The following HYCC1 variants were observed in gnomAD, a reference collection of about 807,000 sequenced individuals.
HYCC1 encodes the protein hyccin.
chr7:22,912,527 C>T, the HYCC1 span, among the ~76,000 whole-genome samples: 26,253 of 152,114 alleles, frequency 0.17, 2,524 homozygotes, highest in African/African-American at 0.24. Context: ...CAAGTGCAGC[C>T]GGCCAAGCTG....
At chr7:23,000,571 T>A in the HYCC1 span, among the ~76,000 whole-genome samples, 8 of 152,208 alleles carry the variant, frequency 5.3e-5, no homozygotes, top group Non-Finnish European at 8.8e-5. Context: ...GGACATTTTT[T>A]AAAAATATGT....
chr7:22,961,116 G>A, the HYCC1 span: 245 of 665,918 alleles, frequency 3.7e-4, 1 homozygote, highest in East Asian at 5.8e-4. Context: ...TGTATAACAA[G>A]AGCATGAATA....
At chr7:22,912,004 A>G in the HYCC1 span, among the ~76,000 whole-genome samples, 5 of 152,280 alleles carry the variant, frequency 3.3e-5, no homozygotes, top group African/African-American at 1.2e-4. Flanking sequence ...AGACCACAAA[A>G]TGTTTTTAAA....
the HYCC1 span, chr7:22,976,609 T>A: frequency 1.2e-6 from 1 of 844,984 alleles, no homozygotes; most frequent in South Asian, 1.4e-5. Context: ...ACACAACTCA[T>A]TAAACATTAT....
chr7:22,957,037 TAGGA>T, the HYCC1 span, among the ~76,000 whole-genome samples: 1 of 151,952 alleles, frequency 6.6e-6, no homozygotes, highest in Non-Finnish European at 1.5e-5. Flanking sequence ...AAATACATTC[TAGGA>T]TAGCTTTAAA....
At chr7:22,971,788 A>G in the HYCC1 span, among the ~76,000 whole-genome samples, 1 of 152,004 alleles carries the variant, frequency 6.6e-6, no homozygotes, top group Admixed American at 6.6e-5. Flanking sequence ...CCTGAATAGT[A>G]ATGAGCACTT....
the HYCC1 span, among the ~76,000 whole-genome samples, chr7:22,928,084 C>T: frequency 6.6e-6 from 1 of 152,092 alleles, no homozygotes; most frequent in African/African-American, 2.4e-5. Flanking sequence ...AAGACAAAAA[C>T]CACATGATTA....
the HYCC1 span, among the ~76,000 whole-genome samples, chr7:22,933,813 C>T: frequency 1.3e-5 from 2 of 152,142 alleles, no homozygotes; most frequent in Non-Finnish European, 2.9e-5. Flanking sequence ...ACTGGGTCAT[C>T]TGTGGATGTT....
the HYCC1 span, among the ~76,000 whole-genome samples, chr7:22,923,894 T>A: frequency 6.6e-6 from 1 of 150,606 alleles, no homozygotes; most frequent in Non-Finnish European, 1.5e-5. Flanking sequence ...TGGTGGCTCA[T>A]GCCTGTAATC....
At chr7:23,014,009 C>G in the HYCC1 span, 1 of 471,140 alleles carries the variant, frequency 2.1e-6, no homozygotes, top group Non-Finnish European at 4.4e-6. Flanking sequence ...TGCTTCCTCC[C>G]GAGTAGCAGC....
At chr7:22,945,754 T>A in the HYCC1 span, 1 of 1,613,816 alleles carries the variant, frequency 6.2e-7, no homozygotes, top group South Asian at 1.1e-5. Context: ...CAACAGCAGA[T>A]GACGGGTTAT....
the HYCC1 span, among the ~76,000 whole-genome samples, chr7:22,992,221 A>G: frequency 6.6e-6 from 1 of 152,068 alleles, no homozygotes; most frequent in African/African-American, 2.4e-5. Flanking sequence ...GTTCTTGTCA[A>G]AGAATACATT....
the HYCC1 span, chr7:22,935,453 G>A: frequency 6.6e-6 from 1 of 152,146 alleles, no homozygotes; most frequent in African/African-American, 2.4e-5. Flanking sequence ...CTATGGTGGA[G>A]CTTTTTTGGG....
chr7:22,987,935 A>C, the HYCC1 span, among the ~76,000 whole-genome samples: 1 of 152,146 alleles, frequency 6.6e-6, no homozygotes. Flanking sequence ...ATGTAACCAA[A>C]ACCTTTCTTA....
the HYCC1 span, among the ~76,000 whole-genome samples, chr7:22,982,902 A>G: frequency 6.6e-6 from 1 of 152,086 alleles, no homozygotes; most frequent in Admixed American, 6.5e-5. Context: ...GCATTAGCCT[A>G]TTCACCTTTT....
chr7:22,959,487 A>T, the HYCC1 span, among the ~76,000 whole-genome samples: 2 of 152,184 alleles, frequency 1.3e-5, no homozygotes, highest in Admixed American at 6.5e-5. Flanking sequence ...TAGGGTAAAG[A>T]AGTAGCTTTT....
At chr7:22,954,304 C>A in the HYCC1 span, among the ~76,000 whole-genome samples, 3 of 150,844 alleles carry the variant, frequency 2.0e-5, no homozygotes, top group African/African-American at 7.3e-5. Context: ...ATTAGTACTT[C>A]CTTGCTTTAT....
the HYCC1 span, among the ~76,000 whole-genome samples, chr7:22,931,279 C>T: frequency 6.7e-6 from 1 of 150,348 alleles, no homozygotes; most frequent in Non-Finnish European, 1.5e-5. Context: ...AAAAACCAGC[C>T]TGTCACCACT....
chr7:22,996,829 C>T, the HYCC1 span, among the ~76,000 whole-genome samples: 10 of 152,190 alleles, frequency 6.6e-5, no homozygotes, highest in East Asian at 1.9e-3. Flanking sequence ...ACATCTATGC[C>T]AAAGACTTGA....
Sources: allele counts gnomAD v4.1 joint callset (sites outside exome capture counted in the v4.1 genomes callset), GRCh38; gene constraint gnomAD v4.1.1; transcripts MANE v1.5; gene names NCBI Gene and HGNC (gene_info 2026-07-23, HGNC 2026-07-21).